TCF7: variants seen among roughly 807,000 people sequenced by gnomAD.
TCF7 encodes T-cell-factor-7.
TCF7 carries 19 observed loss-of-function variants against 46.8 expected under a neutral mutation model. That is an observed-to-expected ratio of 0.41 (90% confidence interval 0.28 to 0.60). The LOEUF is 0.60. Among genes scored for constraint, TCF7 ranks in the 20% least tolerant of loss-of-function variants. The pLI is 0.35. For synonymous variants in TCF7, 245 were observed against 213.4 expected (o/e 1.15, Z -1.29); for missense variants, 547 against 504.6 (o/e 1.08, Z -0.81).
chr5:134,110,509 GA>G (rs1454022632), upstream of TCF7, among the ~76,000 whole-genome samples: 1 of 152,192 alleles, frequency 6.6e-6, no homozygotes, highest in Non-Finnish European at 1.5e-5. Flanking sequence ...AACAAACAGT[GA>G]AACTACACAG....
At chr5:134,126,499 G>T (rs1355307816) in intron 3 of TCF7, among the ~76,000 whole-genome samples, 3 of 152,246 alleles carry the variant, frequency 2.0e-5, no homozygotes, top group South Asian at 4.1e-4. Flanking sequence ...CACACAGTAG[G>T]TGCTCAGTAA....
At position 134,147,724 on chromosome 5, in the gene TCF7, C is replaced by G. The variant is rs535091271; in HGVS notation, c.*1421C>G. 12 of 152,324 alleles carry G rather than the reference C, an allele frequency of 7.9e-5. No homozygotes were observed. Among genetic ancestry groups the G allele is most frequent in the African/African-American group, 2.9e-4 (12 of 41,506 alleles). The allele number at this position is 152,324 out of a possible 1,614,324, so 9.4% of individuals were successfully genotyped here. ...GGCGCGGTGGCTCACGCCTGTAATCCCAGCACTTTGGCAGGCCGAGGCAGG... is the reference window on the plus strand; with the variant it reads ...GGCGCGGTGGCTCACGCCTGTAATCGCAGCACTTTGGCAGGCCGAGGCAGG... On this transcript the variant is annotated 3_prime_UTR_variant, in exon 10 of 10. Coordinates refer to ENST00000342854, the MANE Select transcript of TCF7 (RefSeq NM_003202.5).
upstream of TCF7, among the ~76,000 whole-genome samples, chr5:134,113,834 C>T (rs370191176): frequency 3.6e-4 from 55 of 152,366 alleles, no homozygotes; most frequent in African/African-American, 1.2e-3. Flanking sequence ...ACTTCAGAGT[C>T]ATGGGCTCCC....
At chr5:134,143,937 C>T (rs1760279415) in intron 9 of TCF7, 3 of 383,998 alleles carry the variant, frequency 7.8e-6, no homozygotes. Flanking sequence ...CCAGAGAAAC[C>T]AGCAAAGAAC....
At position 134,138,074 on chromosome 5, in the gene TCF7, C is replaced by T. The variant is rs1470298734; in HGVS notation, c.457C>T (p.Pro153Ser). 1 of 1,600,704 alleles carries T rather than the reference C, an allele frequency of 6.2e-7. No homozygotes were observed. Among genetic ancestry groups the T allele is most frequent in the South Asian group, 1.1e-5 (1 of 89,134 alleles). The change falls in exon 4 of 10, where the codon CCC becomes TCC. Residue 153 changes from proline to serine, a missense_variant. Transcript: ENST00000342854. ...PQPPLHKANQ[P>S]PHGVPQLSLY... Reference sequence around the variant, plus strand: ...CATTTTTCAGCACAAGGCCAATCAGCCCCCCCACGGTGTCCCCCAACTCTC... The same window carrying T: ...CATTTTTCAGCACAAGGCCAATCAGTCCCCCCACGGTGTCCCCCAACTCTC...
chr5:134,111,902 G>A (rs1240079334), upstream of TCF7, among the ~76,000 whole-genome samples: 1 of 152,186 alleles, frequency 6.6e-6, no homozygotes, highest in African/African-American at 2.4e-5. Flanking sequence ...CTGAGCTTCA[G>A]TTTCCTCATT....
intron 1 of TCF7, 26 bp from the exon 2 acceptor site, chr5:134,115,295 T>A: frequency 6.6e-7 from 1 of 1,508,798 alleles, no homozygotes; most frequent in Middle Eastern, 2.3e-4. Context: ...CCACCGCCCC[T>A]CACTCCCCTC....
chr5:134,115,694 G>A lies in TCF7; in HGVS notation c.317-215G>A, dbSNP rs1350249963. The A allele has an allele frequency of 1.2e-5, 17 of 1,430,184 alleles. No individual in the cohort carries two copies. In the South Asian group the frequency reaches 2.4e-4, roughly 20 times the overall value. 88.6% of individuals were successfully genotyped at this position (1,430,184 alleles called of 1,614,324 possible). On this transcript the variant is annotated intron_variant, in intron 2 of 9. Transcript: ENST00000342854. ...GCCAAGGTTTCTTGGTTGGAGGGCGGGGGGTGGGAGGTCAAGTAGGGGCCA... is the reference window on the plus strand; with the variant it reads ...GCCAAGGTTTCTTGGTTGGAGGGCGAGGGGTGGGAGGTCAAGTAGGGGCCA...
chr5:134,138,793 T>C (rs1737648952), intron 4 of TCF7, 158 bp from the exon 5 acceptor site: 1 of 1,216,904 alleles, frequency 8.2e-7, no homozygotes, highest in South Asian at 1.6e-5. Context: ...GGCACTATTA[T>C]CACACTGGGA....
intron 3 of TCF7, among the ~76,000 whole-genome samples, chr5:134,136,721 G>A (rs1399744031): frequency 1.3e-5 from 2 of 152,156 alleles, no homozygotes; most frequent in Non-Finnish European, 2.9e-5. Flanking sequence ...TAATAAAGGG[G>A]CCATGAACCC....
chr5:134,114,864 T>TCCCGGCGCCCAGCG lies in TCF7; in HGVS notation c.-39_-26dup. The TCCCGGCGCCCAGCG allele has an allele frequency of 1.0e-6, 1 of 981,798 alleles. No homozygotes were observed. The highest frequency in any genetic ancestry group is 1.8e-5 in the African/African-American group (1 of 55,992). The allele number at this position is 981,798 out of a possible 1,614,324, so 60.8% of individuals were successfully genotyped here. A position where few individuals can be genotyped will look rare whatever the true frequency, so the allele number is the denominator to read the frequency against. ...CCCGGGCCGGCTCCGCGCCCCGCAC[T>TCCCGGCGCCCAGCG]CCCGGCGCCCAGCGCCCCGCGCCCC... On this transcript the variant is annotated 5_prime_UTR_variant, in exon 1 of 10. Transcript: ENST00000342854.
chr5:134,124,367 C>T (rs1287353349), intron 3 of TCF7, among the ~76,000 whole-genome samples: 2 of 152,188 alleles, frequency 1.3e-5, no homozygotes, highest in African/African-American at 2.4e-5. Context: ...GTGGGCTTGT[C>T]CTCCTCAGAG....
At chr5:134,126,833 G>A (rs565938569) in intron 3 of TCF7, among the ~76,000 whole-genome samples, 3 of 151,974 alleles carry the variant, frequency 2.0e-5, no homozygotes, top group African/African-American at 7.2e-5. Flanking sequence ...GGAGGCGGAG[G>A]TCACAGTGAG....
At chr5:134,143,467 A>G in intron 8 of TCF7, 125 bp from the exon 9 acceptor site, 1 of 1,135,756 alleles carries the variant, frequency 8.8e-7, no homozygotes, top group Non-Finnish European at 1.3e-6. Flanking sequence ...AAGAAACACC[A>G]GCACCCCAAG....
chr5:134,143,333 C>T (rs1404852877), intron 8 of TCF7: 2 of 771,358 alleles, frequency 2.6e-6, no homozygotes, highest in African/African-American at 3.4e-5. Flanking sequence ...TTGATTGGGC[C>T]ACATGGGCAG....
rs1365042116 is a variant in TCF7, at chr5:134,142,883, G to A, written c.918G>A (p.Arg306=). 1.2e-6 allele frequency: 2 copies of A among 1,613,408 alleles called. No homozygotes were observed. The highest frequency in any genetic ancestry group is 2.7e-5 in the African/African-American group (2 of 75,048). The change falls in exon 7 of 10, where the codon AGG becomes AGA. Residue 306 remains arginine (R), a splice_region_variant and synonymous_variant. Transcript: ENST00000342854. ...SAAINQILGR[R]WHALSREEQA... ...CCATCAACCAGATCCTGGGCCGCAG[G>A]GTGAGACCATGGGCAGGTGGGCTGG...
intron 3 of TCF7, among the ~76,000 whole-genome samples, chr5:134,124,031 G>C (rs921966737): frequency 6.6e-6 from 1 of 152,108 alleles, no homozygotes; most frequent in Non-Finnish European, 1.5e-5. Context: ...CCTAGGGTCT[G>C]GCCCCCTGAT....
chr5:134,145,197 G>C (rs956662244), intron 9 of TCF7: 1 of 589,512 alleles, frequency 1.7e-6, no homozygotes, highest in Non-Finnish European at 3.3e-6. Context: ...AGGGGGCCTG[G>C]AGCCCATTCT....
intron 9 of TCF7, chr5:134,145,296 C>T (rs1301530135): frequency 1.9e-6 from 1 of 538,438 alleles, no homozygotes; most frequent in Non-Finnish European, 3.7e-6. Context: ...AGCCCTTAAT[C>T]TGAAAAAGCA....
Sources: gnomAD v4.1 joint callset for allele counts (sites outside exome capture counted in the v4.1 genomes callset) on GRCh38, gnomAD v4.1.1 for gene constraint, MANE v1.5 for transcripts, NCBI Gene and HGNC (gene_info 2026-07-23, HGNC 2026-07-21) for gene names.